The following TBCD variants were observed in gnomAD, a reference collection of about 807,000 sequenced individuals.
TBCD encodes the protein tubulin-specific chaperone D.
In TBCD, 105 loss-of-function variants were observed where a neutral mutation model predicts 169.3. The observed-to-expected ratio is 0.62, with a 90% CI of 0.53 to 0.73. TBCD has a LOEUF of 0.73. Among genes scored for constraint, TBCD ranks in the 30% least tolerant of loss-of-function variants. The probability of loss-of-function intolerance (pLI) is 0.00; values close to 1 mark genes in which losing one functional copy is unlikely to be tolerated. For missense variants in TBCD, 1,444 were observed against 1,600.1 expected, an observed-to-expected ratio of 0.90 and a Z score of 1.66; for synonymous variants, 700 against 643.9, an observed-to-expected ratio of 1.09 and a Z score of -1.32.
rs374920189 is a variant in TBCD at position 82,832,085 on chromosome 17, T to C, written c.1318+17151T>C. The stretch of plus-strand genomic sequence containing the variant: ...AGGGCTGGCTTCTGTCCCAGGCACC[T>C]GTGGGTTCCCCGGGCTTGCAGCTCC... On this transcript the variant is annotated intron_variant, in intron 13 of 38. Transcript: ENST00000355528. The surrounding 1 kb of genome is among the most constrained non-coding windows in gnomAD (Gnocchi z 4.9). 3 of 1,614,182 alleles carry C rather than the reference T, an allele frequency of 1.9e-6. No homozygotes were observed. Among genetic ancestry groups the C allele is most frequent in the Non-Finnish European group, 2.5e-6 (3 of 1,180,008 alleles).
At chr17:82,898,080 G>C (rs1186459323) in intron 17 of TBCD, among the ~76,000 whole-genome samples, 7 of 149,536 alleles carry the variant, frequency 4.7e-5, no homozygotes, top group Non-Finnish European at 1.0e-4. Flanking sequence ...CATGGCTCTG[G>C]GTTTTGGTGT....
intron 34 of TBCD, among the ~76,000 whole-genome samples, chr17:82,936,806 C>G (rs971431210): frequency 3.9e-5 from 6 of 152,256 alleles, no homozygotes; most frequent in African/African-American, 1.4e-4. Context: ...AGCACCAAGC[C>G]TCAGCCCTTG....
intron 13 of TBCD, among the ~76,000 whole-genome samples, chr17:82,851,543 TG>T (rs2055790292): frequency 1.3e-5 from 2 of 152,196 alleles, no homozygotes; most frequent in Non-Finnish European, 2.9e-5. Flanking sequence ...TCTCTGGCCC[TG>T]GCAGGAATCA....
Position 82,782,480 on chromosome 17 carries a change from C to CT in TBCD, c.771+760dup, listed in dbSNP as rs1032714747. ...TCACGCTGTGGAGCCTGTGGTCCCTCTGAGGAGCGGGGCACTTTGTTCTTG... is the reference window on the plus strand; with the variant it reads ...TCACGCTGTGGAGCCTGTGGTCCCTCTTGAGGAGCGGGGCACTTTGTTCTTG... On this transcript the variant is annotated intron_variant, in intron 7 of 38. Transcript: ENST00000355528. The surrounding 1 kb of genome is among the most constrained non-coding windows in gnomAD (Gnocchi z 5.1). Among the ~76,000 whole-genome samples, 19 of 152,292 alleles carry CT rather than the reference C, an allele frequency of 1.2e-4. No homozygotes were observed. Among genetic ancestry groups the CT allele is most frequent in the African/African-American group, 4.3e-4 (18 of 41,556 alleles).
intron 17 of TBCD, among the ~76,000 whole-genome samples, chr17:82,895,600 CGGG>C (rs891558742): frequency 1.3e-4 from 19 of 151,982 alleles, no homozygotes; most frequent in African/African-American, 4.6e-4. Context: ...TCTTGGGAGA[CGGG>C]AGAGGGCTGG....
At chr17:82,770,777 A>T (rs777240294) in intron 5 of TBCD, among the ~76,000 whole-genome samples, 1 of 152,052 alleles carries the variant, frequency 6.6e-6, no homozygotes, top group Non-Finnish European at 1.5e-5. Flanking sequence ...GCACTTTGGG[A>T]GGCCGAGGCA....
chr17:82,813,338 C>G (rs191969237), intron 12 of TBCD, among the ~76,000 whole-genome samples: 1 of 152,132 alleles, frequency 6.6e-6, no homozygotes, highest in East Asian at 1.9e-4. Flanking sequence ...TTTCTGTTGT[C>G]TTCCCTCCTC....
rs111877752 is a variant in TBCD, at chr17:82,791,251, C to G, written c.772-6506C>G. 8.8e-4 allele frequency among the ~76,000 whole-genome samples: 134 copies of G among 152,234 alleles called. 2 individuals carry two copies. In the Middle Eastern group the frequency reaches 0.01, roughly 12 times the overall value. Reference sequence around the variant, plus strand: ...GGACTACAGGCACCCTCCACCACGCCTGGCTAATTTTTTTGTATTTTAGTA... The same window carrying G: ...GGACTACAGGCACCCTCCACCACGCGTGGCTAATTTTTTTGTATTTTAGTA... On this transcript the variant is annotated intron_variant, in intron 7 of 38. Transcript: ENST00000355528.
chr17:82,790,303 C>T (rs146396475), intron 7 of TBCD, among the ~76,000 whole-genome samples: 1 of 152,344 alleles, frequency 6.6e-6, no homozygotes, highest in East Asian at 1.9e-4. Flanking sequence ...CCCATGCTGC[C>T]TCTGTGCCCT....
intron 13 of TBCD, chr17:82,830,519 T>C: frequency 6.2e-7 from 1 of 1,613,820 alleles, no homozygotes; most frequent in Non-Finnish European, 8.5e-7. Context: ...CCTGGCTTGG[T>C]CTCAGGGTGG....
chr17:82,921,591 G>C lies in TBCD; in HGVS notation c.2178+14G>C. 1 of 1,613,472 alleles carries C rather than the reference G, an allele frequency of 6.2e-7. No homozygotes were observed. Among genetic ancestry groups the C allele is most frequent in the Non-Finnish European group, 8.5e-7 (1 of 1,179,388 alleles). ...CAGCAGATGAAGGTACAGTGAGCAT[G>C]GGCGTTCCCGGCCGGCGCTGTGGCG... On this transcript the variant is annotated intron_variant, in intron 25 of 38. Coordinates refer to ENST00000355528, the MANE Select transcript of TBCD (RefSeq NM_005993.5).
At chr17:82,907,908 G>A (rs2146851169) in intron 21 of TBCD, 87 bp downstream of exon 21, 2 of 1,446,580 alleles carry the variant, frequency 1.4e-6, no homozygotes, top group South Asian at 1.2e-5. Context: ...GGCAGGGTCT[G>A]CAGTCCTGGT....
At chr17:82,929,058 G>T (rs1377646596) in intron 30 of TBCD, 55 bp from the exon 31 acceptor site, 5 of 1,575,392 alleles carry the variant, frequency 3.2e-6, no homozygotes, top group Non-Finnish European at 4.3e-6. Context: ...TCAGTTTACC[G>T]CCCGCTCTTA....
intron 13 of TBCD, among the ~76,000 whole-genome samples, chr17:82,822,804 G>A (rs141089605): frequency 6.6e-6 from 1 of 152,368 alleles, no homozygotes; most frequent in African/African-American, 2.4e-5. Context: ...AGTAAGGTCA[G>A]TGAGTGACAT....
At chr17:82,925,702 G>GC (rs1314422490) in intron 27 of TBCD, among the ~76,000 whole-genome samples, 4 of 152,194 alleles carry the variant, frequency 2.6e-5, no homozygotes, top group Admixed American at 2.0e-4. Flanking sequence ...CAGCCGCCAT[G>GC]CCATCTAAAA....
At position 82,930,686 on chromosome 17, in the gene TBCD, G is replaced by A. The variant is rs2062123605; in HGVS notation, c.3113+43G>A. 1 of 1,612,520 alleles carries A rather than the reference G, an allele frequency of 6.2e-7. No individual in the cohort carries two copies. Reference sequence around the variant, plus strand: ...GGGCCTCAGAGGCGTGAGTGGTGCTGGTGCCTCTCACCACGTTCCCACAGA... The same window carrying A: ...GGGCCTCAGAGGCGTGAGTGGTGCTAGTGCCTCTCACCACGTTCCCACAGA... On this transcript the variant is annotated intron_variant, in intron 33 of 38. Transcript: ENST00000355528. This position sits in a 1 kb window ranked among gnomAD's most constrained non-coding sequence, Gnocchi z 5.2.
intron 20 of TBCD, among the ~76,000 whole-genome samples, chr17:82,907,265 A>G (rs2060315996): frequency 6.6e-6 from 1 of 152,234 alleles, no homozygotes; most frequent in Non-Finnish European, 1.5e-5. Flanking sequence ...GTCAGTGGAC[A>G]TGAGCTGTCG....
At position 82,865,369 on chromosome 17, in the gene TBCD, A is replaced by G. The variant is rs889208597; in HGVS notation, c.1319-4855A>G. 12 of 762,120 alleles carry G rather than the reference A, an allele frequency of 1.6e-5. No individual in the cohort carries two copies. The African/African-American group carries it at 1.9e-4, about 12-fold the overall frequency. The allele number at this position is 762,120 out of a possible 1,614,324, so 47.2% of individuals were successfully genotyped here. A position where few individuals can be genotyped will look rare whatever the true frequency, so the allele number is the denominator to read the frequency against. ...CTCTGCACCGGCAGGCTCCACGCTG[A>G]GGGTCCCTCCACATCCACCCCATCG... On this transcript the variant is annotated intron_variant, in intron 13 of 38. Transcript: ENST00000355528.
chr17:82,792,780 A>G (rs1172641536), intron 7 of TBCD, among the ~76,000 whole-genome samples: 1 of 152,228 alleles, frequency 6.6e-6, no homozygotes, highest in Non-Finnish European at 1.5e-5. Context: ...TCGATCATTG[A>G]AGCATTTTTG....
Sources: gnomAD v4.1 joint callset for allele counts (sites outside exome capture counted in the v4.1 genomes callset) on GRCh38, gnomAD v4.1.1 for gene constraint, Gnocchi (gnomAD v3.1) non-coding constraint, MANE v1.5 for transcripts, NCBI Gene and HGNC (gene_info 2026-07-23, HGNC 2026-07-21) for gene names.